The following SGCD variants were observed in gnomAD, a reference collection of about 807,000 sequenced individuals.
SGCD encodes sarcoglycan delta.
Under a neutral mutation model 36.6 loss-of-function variants are expected in SGCD, and 18 were observed. The observed-to-expected ratio is 0.49, with a 90% CI of 0.34 to 0.73. The LOEUF (loss-of-function observed/expected upper bound fraction) is 0.73, where lower values mean the gene tolerates loss of function less well. Ranked by LOEUF, SGCD falls within the 30% of genes least tolerant of loss-of-function variation. The probability of loss-of-function intolerance (pLI) is 0.01; values close to 1 mark genes in which losing one functional copy is unlikely to be tolerated. For missense variants in SGCD, 387 were observed against 346.7 expected, an observed-to-expected ratio of 1.12 and a Z score of -0.92; for synonymous variants, 133 against 130.6, an observed-to-expected ratio of 1.02 and a Z score of -0.12.
intron 1 of SGCD, among the ~76,000 whole-genome samples, chr5:156,117,329 G>A (rs1388314623): frequency 6.6e-6 from 1 of 151,968 alleles, no homozygotes. Context: ...TTCAGACCCA[G>A]CATGGCACCA....
the SGCD span, among the ~76,000 whole-genome samples, chr5:155,768,354 AT>A: frequency 6.6e-6 from 1 of 151,754 alleles, no homozygotes; most frequent in Non-Finnish European, 1.5e-5. Flanking sequence ...TTACCCACTC[AT>A]TCCTGCATTC....
chr5:156,380,782 T>A (rs1430005365), intron 3 of SGCD, among the ~76,000 whole-genome samples: 1 of 152,210 alleles, frequency 6.6e-6, no homozygotes, highest in Non-Finnish European at 1.5e-5. Context: ...ATCAAGTGTG[T>A]AGTGCAGAGC....
the SGCD span, among the ~76,000 whole-genome samples, chr5:155,850,138 A>AAGGCTTGT: frequency 5.7e-3 from 869 of 152,272 alleles, 5 homozygotes; most frequent in Admixed American, 0.011. Flanking sequence ...TTTTGGATTC[A>AAGGCTTGT]AGGCTTGTAT....
chr5:156,304,793 A>C, intron 3 of SGCD, among the ~76,000 whole-genome samples: 1 of 152,270 alleles, frequency 6.6e-6, no homozygotes, highest in East Asian at 1.9e-4. Flanking sequence ...ATGAACAATA[A>C]GATCCAGTCT....
chr5:156,416,686 A>G (rs1773055233), intron 3 of SGCD, among the ~76,000 whole-genome samples: 1 of 152,154 alleles, frequency 6.6e-6, no homozygotes, highest in South Asian at 2.1e-4. Flanking sequence ...AAACTCCTTC[A>G]TCTCTCTGGT....
chr5:156,316,173 C>T (rs534064086), intron 3 of SGCD, among the ~76,000 whole-genome samples: 26 of 152,004 alleles, frequency 1.7e-4, no homozygotes, highest in African/African-American at 6.0e-4. Flanking sequence ...TTTCTCTACA[C>T]TATAGCAAAC....
chr5:156,258,411 A>G (rs1166842095), intron 3 of SGCD, among the ~76,000 whole-genome samples: 1 of 152,232 alleles, frequency 6.6e-6, no homozygotes, highest in Non-Finnish European at 1.5e-5. Flanking sequence ...AAGGAGGACC[A>G]ATGAACTTTA....
chr5:156,244,093 G>A (rs1765373118), intron 3 of SGCD, among the ~76,000 whole-genome samples: 1 of 152,180 alleles, frequency 6.6e-6, no homozygotes, highest in African/African-American at 2.4e-5. Flanking sequence ...TCAAAATTGT[G>A]TGCTACCTGG....
At chr5:156,479,842 C>T (rs980757470) in intron 3 of SGCD, among the ~76,000 whole-genome samples, 9 of 152,166 alleles carry the variant, frequency 5.9e-5, no homozygotes, top group Admixed American at 4.6e-4. Context: ...ACTGATACAG[C>T]GAGTTTCAGA....
intron 7 of SGCD, among the ~76,000 whole-genome samples, chr5:156,675,361 G>A (rs1201452566): frequency 1.3e-5 from 2 of 152,148 alleles, no homozygotes; most frequent in African/African-American, 4.8e-5. Flanking sequence ...GAAAGGCCAA[G>A]GAACTGGTCC....
At chr5:156,368,904 T>G (rs1007335248) in intron 3 of SGCD, among the ~76,000 whole-genome samples, 3 of 152,152 alleles carry the variant, frequency 2.0e-5, no homozygotes, top group African/African-American at 2.4e-5. Flanking sequence ...AATGTAAAAA[T>G]AATAGAAAAA....
intron 2 of SGCD, among the ~76,000 whole-genome samples, chr5:156,330,130 A>G (rs1173066308): frequency 6.6e-6 from 1 of 151,998 alleles, no homozygotes; most frequent in Non-Finnish European, 1.5e-5. Flanking sequence ...TCAAAATTTG[A>G]AACTTTTTGA....
chr5:155,905,704 G>T (rs187042519), intron 1 of SGCD, among the ~76,000 whole-genome samples: 12 of 152,184 alleles, frequency 7.9e-5, no homozygotes, highest in African/African-American at 2.4e-5. Context: ...GAATCATGGG[G>T]ACCAGTCTTT....
At position 156,765,680 on chromosome 5, in the gene SGCD, A is replaced by G. The variant is rs1757574862; in HGVS notation, c.*6290A>G. 1 of 152,174 alleles carries G rather than the reference A, an allele frequency of 6.6e-6. No individual in the cohort carries two copies. Among genetic ancestry groups the G allele is most frequent in the East Asian group, 1.9e-4 (1 of 5,202 alleles). The allele number at this position is 152,174 out of a possible 1,614,324, so 9.4% of individuals were successfully genotyped here. ...GTTTTAATATAGTTCCAATATTCGG[A>G]TGTGAAAACTGAGGCTTATAGTGGC... On this transcript the variant is annotated 3_prime_UTR_variant, in exon 9 of 9. Coordinates refer to ENST00000337851, the MANE Select transcript of SGCD (RefSeq NM_000337.6).
At chr5:156,238,314 A>G (rs1000132613) in intron 3 of SGCD, among the ~76,000 whole-genome samples, 2 of 152,214 alleles carry the variant, frequency 1.3e-5, no homozygotes, top group Admixed American at 6.5e-5. Flanking sequence ...CAATAAAGTA[A>G]TAGAACCTGC....
intron 1 of SGCD, among the ~76,000 whole-genome samples, chr5:156,043,125 A>G (rs546719457): frequency 1.3e-5 from 2 of 152,288 alleles, no homozygotes; most frequent in African/African-American, 4.8e-5. Flanking sequence ...TACGGTTACA[A>G]TTTTTACAAA....
At chr5:155,997,377 G>T (rs1321029235) in intron 1 of SGCD, among the ~76,000 whole-genome samples, 2 of 152,178 alleles carry the variant, frequency 1.3e-5, no homozygotes, top group Non-Finnish European at 2.9e-5. Flanking sequence ...GAGAGTTCAG[G>T]ATATTTTGCA....
intron 3 of SGCD, among the ~76,000 whole-genome samples, chr5:156,138,847 G>A (rs1002038731): frequency 6.6e-6 from 1 of 152,110 alleles, no homozygotes; most frequent in African/African-American, 2.4e-5. Context: ...GTCAATACTT[G>A]GTATTGTTAG....
intron 3 of SGCD, among the ~76,000 whole-genome samples, chr5:156,466,769 AGTATTT>A (rs1169123079): frequency 2.0e-5 from 3 of 152,222 alleles, no homozygotes; most frequent in Non-Finnish European, 2.9e-5. Context: ...CCCCCACAAA[AGTATTT>A]TATTTGAAAA....
Sources: gnomAD v4.1 joint callset for allele counts (sites outside exome capture counted in the v4.1 genomes callset) on GRCh38, gnomAD v4.1.1 for gene constraint, MANE v1.5 for transcripts, NCBI Gene and HGNC (gene_info 2026-07-23, HGNC 2026-07-21) for gene names.